APBB2: variants seen among roughly 807,000 people sequenced by gnomAD.
APBB2 encodes the protein amyloid beta precursor protein binding family B member 2.
Under a neutral mutation model 82.5 loss-of-function variants are expected in APBB2, and 38 were observed. That is an observed-to-expected ratio of 0.46 (90% CI 0.36 to 0.60). The LOEUF (loss-of-function observed/expected upper bound fraction) is 0.60. Ranked by LOEUF, APBB2 falls within the 20% of genes least tolerant of loss-of-function variation. The pLI, the probability that APBB2 is intolerant of heterozygous loss-of-function variation, is 0.00. For synonymous variants in APBB2, 341 were observed against 368.2 expected (o/e 0.93, Z 0.85); for missense variants, 772 against 972.3 (o/e 0.79, Z 2.74).
intron 12 of APBB2, among the ~76,000 whole-genome samples, chr4:40,863,891 CAAAA>C (rs60135616): frequency 2.1e-4 from 7 of 32,998 alleles, no homozygotes; most frequent in Admixed American, 4.8e-4. Context: ...GAGACTGTCT[CAAAA>C]AAAAAAAAAA....
At chr4:40,866,008 G>A (rs1427591813) in intron 12 of APBB2, among the ~76,000 whole-genome samples, 2 of 152,190 alleles carry the variant, frequency 1.3e-5, no homozygotes, top group Non-Finnish European at 2.9e-5. Flanking sequence ...TTGCTGTTGC[G>A]AATGCAAAAC....
At chr4:40,882,368 T>C (rs1768878565) in intron 12 of APBB2, among the ~76,000 whole-genome samples, 2 of 152,028 alleles carry the variant, frequency 1.3e-5, no homozygotes, top group South Asian at 2.1e-4. Flanking sequence ...GCTGATGGTG[T>C]CCCTAGGCTT....
At chr4:40,949,723 A>C (rs1197784228) in intron 6 of APBB2, among the ~76,000 whole-genome samples, 1 of 150,720 alleles carries the variant, frequency 6.6e-6, no homozygotes, top group Non-Finnish European at 1.5e-5. Context: ...AGACAAGGCA[A>C]GCGGCTGAAA....
intron 1 of APBB2, among the ~76,000 whole-genome samples, chr4:41,165,456 C>T (rs964942082): frequency 3.3e-5 from 5 of 152,142 alleles, no homozygotes; most frequent in South Asian, 2.1e-4. Flanking sequence ...CCAAGTACCC[C>T]GATAGTTCTC....
At chr4:40,975,683 G>A (rs369714877) in intron 6 of APBB2, among the ~76,000 whole-genome samples, 27 of 151,022 alleles carry the variant, frequency 1.8e-4, no homozygotes, top group African/African-American at 5.6e-4. Flanking sequence ...GAACCATCAC[G>A]TCATGATGCC....
rs1750936458 is a variant in APBB2 at position 40,829,029 on chromosome 4, T to C, written c.1644+1434A>G. Among the ~76,000 whole-genome samples, 3 of 152,118 alleles carry C rather than the reference T, an allele frequency of 2.0e-5. No homozygotes were observed. The South Asian group carries it at 6.2e-4, about 31-fold the overall frequency. On this transcript the variant is annotated intron_variant, in intron 13 of 17. Transcript: ENST00000508593. ...GTCAGCCTGAATCAGAAAGGTGACA[T>C]TCAACAGAGGGGATGGCAAAATTCT...
At chr4:40,902,524 T>G (rs1775607292) in intron 10 of APBB2, among the ~76,000 whole-genome samples, 1 of 151,848 alleles carries the variant, frequency 6.6e-6, no homozygotes, top group African/African-American at 2.4e-5. Context: ...CTGACCCAGG[T>G]TTTTTGTTTT....
chr4:40,844,143 G>A (rs1005196592), intron 12 of APBB2, among the ~76,000 whole-genome samples: 1 of 151,482 alleles, frequency 6.6e-6, no homozygotes, highest in Non-Finnish European at 1.5e-5. Flanking sequence ...GGGCTGAAGA[G>A]GCAGACACAG....
chr4:41,203,156 T>C (rs1342040715), intron 1 of APBB2, among the ~76,000 whole-genome samples: 12 of 151,930 alleles, frequency 7.9e-5, no homozygotes, highest in East Asian at 3.9e-4. Flanking sequence ...AACACCTCAC[T>C]TTATTTTTGT....
Position 41,013,882 on chromosome 4 carries a change from C to T in APBB2, c.536G>A (p.Arg179Gln), listed in dbSNP as rs4861358. Residue 179 changes from arginine (R) to glutamine (Q), a missense_variant, in exon 6 of 18, where the codon CGA becomes CAA. By Grantham distance (43) the Arg-to-Gln change is conservative. Coordinates refer to ENST00000508593, the MANE Select transcript of APBB2 (RefSeq NM_004307.2). ...TTCCGCAGTCCCATGGTGATTGCCT[C>T]GGTTCTGCTCTAGTTCTCTGGCTGA... The part of the protein sequence containing the change: ...ETSARELEQN[R>Q]GNHHGTAEEK... 0.75 allele frequency: 1,205,094 copies of T among 1,613,966 alleles called. 456,793 individuals are homozygous for T. The highest frequency in any genetic ancestry group is 0.89 in the East Asian group (40,102 of 44,862).
At chr4:40,932,031 A>G (rs1310330849) in intron 10 of APBB2, among the ~76,000 whole-genome samples, 1 of 152,228 alleles carries the variant, frequency 6.6e-6, no homozygotes, top group Non-Finnish European at 1.5e-5. Flanking sequence ...AGAATTCAGT[A>G]AGCAACACAG....
chr4:40,811,936 A>ATTCT lies in APBB2; in HGVS notation c.*4152_*4155dup, dbSNP rs779052550. ...TTGGATTTAGTGTGTGTACACCTCT[A>ATTCT]TTCTTTATTCTTTGATGTCAGGTTC... On this transcript the variant is annotated 3_prime_UTR_variant, in exon 18 of 18. Transcript: ENST00000508593. 4 of 152,164 alleles carry ATTCT rather than the reference A, an allele frequency of 2.6e-5. No individual in the cohort carries two copies. The highest frequency in any genetic ancestry group is 5.9e-5 in the Non-Finnish European group (4 of 68,010). The allele number at this position is 152,164 out of a possible 1,614,324, so 9.4% of individuals were successfully genotyped here. A position where few individuals can be genotyped will look rare whatever the true frequency, so the allele number is the denominator to read the frequency against.
At chr4:40,881,528 CTTTTTCTTTTTT>C (rs1259811729) in intron 12 of APBB2, 5 of 154,910 alleles carry the variant, frequency 3.2e-5, no homozygotes, top group South Asian at 3.0e-4. Flanking sequence ...CTTTTCTTTT[CTTTTTCTTTTTT>C]TTTTTTTTTT....
At chr4:40,900,753 G>A (rs1431329147) in intron 10 of APBB2, among the ~76,000 whole-genome samples, 2 of 148,858 alleles carry the variant, frequency 1.3e-5, no homozygotes, top group East Asian at 1.9e-4. Context: ...CACTGAGCCC[G>A]GGCTTTTTTT....
Position 41,157,820 on chromosome 4 carries a change from G to A in APBB2, c.-416-14678C>T, listed in dbSNP as rs181018731. ...AGCCTGGCCAACATGGTAAAACCCCGTCTCTACTAAAAATACAAAAAATTA... is the reference window on the plus strand; with the variant it reads ...AGCCTGGCCAACATGGTAAAACCCCATCTCTACTAAAAATACAAAAAATTA... On this transcript the variant is annotated intron_variant, in intron 1 of 17. Transcript: ENST00000508593. Among the ~76,000 whole-genome samples, 372 of 152,150 alleles carry A rather than the reference G, an allele frequency of 2.4e-3. 3 individuals carry two copies. The highest frequency in any genetic ancestry group is 8.0e-3 in the African/African-American group (331 of 41,502).
chr4:41,197,467 C>G, intron 1 of APBB2, among the ~76,000 whole-genome samples: 1 of 152,148 alleles, frequency 6.6e-6, no homozygotes, highest in East Asian at 1.9e-4. Flanking sequence ...CTACCCAAAG[C>G]CTGTGATCCC....
chr4:41,116,897 T>C (rs867592335), intron 2 of APBB2, among the ~76,000 whole-genome samples: 4 of 152,136 alleles, frequency 2.6e-5, no homozygotes, highest in Admixed American at 1.3e-4. Flanking sequence ...TCCACTTACA[T>C]TGGGTGATTT....
At chr4:40,904,684 C>CTTTT (rs5857754) in intron 10 of APBB2, among the ~76,000 whole-genome samples, 63 of 133,876 alleles carry the variant, frequency 4.7e-4, no homozygotes, top group African/African-American at 1.6e-3. Context: ...TTTGTTATTG[C>CTTTT]TTTTTTTTTT....
chr4:40,967,230 C>T (rs1284704892), intron 6 of APBB2, among the ~76,000 whole-genome samples: 1 of 152,182 alleles, frequency 6.6e-6, no homozygotes, highest in African/African-American at 2.4e-5. Flanking sequence ...AGCACCTCTT[C>T]ACCTTGCTCA....
Sources: allele counts gnomAD v4.1 joint callset (sites outside exome capture counted in the v4.1 genomes callset), GRCh38; gene constraint gnomAD v4.1.1; transcripts MANE v1.5; gene names NCBI Gene and HGNC (gene_info 2026-07-23, HGNC 2026-07-21).